FRMD4A: variants seen among roughly 807,000 people sequenced by gnomAD.
FRMD4A encodes FERM domain-containing protein 4A.
Under a neutral mutation model 129.1 loss-of-function variants are expected in FRMD4A, and 29 were observed. The ratio of observed to expected loss-of-function variants is 0.22; its 90% CI spans 0.17 to 0.31. The LOEUF (loss-of-function observed/expected upper bound fraction) is 0.31. Ranked by LOEUF, FRMD4A falls within the 10% of genes least tolerant of loss-of-function variation. The probability of loss-of-function intolerance (pLI) is 1.00; values close to 1 mark genes in which losing one functional copy is unlikely to be tolerated. For missense variants in FRMD4A, 1,272 were observed against 1,375.8 expected, an observed-to-expected ratio of 0.92 and a Z score of 1.19; for synonymous variants, 634 against 571.6, an observed-to-expected ratio of 1.11 and a Z score of -1.56.
In FRMD4A at chr10:14,010,621, T is replaced by C. The variant is rs538330272; in HGVS notation, c.46-151709A>G. Among the ~76,000 whole-genome samples, 25 of 148,864 alleles carry C rather than the reference T, an allele frequency of 1.7e-4. No individual in the cohort carries two copies. The South Asian group carries it at 4.0e-3, about 24-fold the overall frequency. On this transcript the variant is annotated intron_variant, in intron 2 of 24. Transcript: ENST00000357447. ...ATCTTTCTGATTGTCTTGCCATGGGTGTCGGAGACTTACATATTCAAAATT... is the reference window on the plus strand; with the variant it reads ...ATCTTTCTGATTGTCTTGCCATGGGCGTCGGAGACTTACATATTCAAAATT...
intron 2 of FRMD4A, among the ~76,000 whole-genome samples, chr10:13,942,676 T>C (rs2095301674): frequency 1.3e-5 from 2 of 152,152 alleles, no homozygotes; most frequent in African/African-American, 4.8e-5. Context: ...GGCTCGCACC[T>C]GTAATCCCAG....
intron 12 of FRMD4A, among the ~76,000 whole-genome samples, chr10:13,728,866 C>T (rs1476136631): frequency 6.6e-6 from 1 of 152,048 alleles, no homozygotes; most frequent in Non-Finnish European, 1.5e-5. Context: ...GCCACCGTGC[C>T]CAGCCGATGA....
At chr10:14,065,072 T>A (rs1250765644) in intron 2 of FRMD4A, among the ~76,000 whole-genome samples, 1 of 152,190 alleles carries the variant, frequency 6.6e-6, no homozygotes, top group Non-Finnish European at 1.5e-5. Flanking sequence ...CAAATCCATG[T>A]TGTGGGCTCG....
chr10:14,212,561 A>G (rs752088243), intron 2 of FRMD4A, among the ~76,000 whole-genome samples: 6 of 152,208 alleles, frequency 3.9e-5, no homozygotes, highest in Non-Finnish European at 7.3e-5. Flanking sequence ...GCTGGATACC[A>G]TGAAAAAAAC....
chr10:14,043,454 T>C (rs1409679093), intron 2 of FRMD4A, among the ~76,000 whole-genome samples: 1 of 152,204 alleles, frequency 6.6e-6, no homozygotes, highest in Non-Finnish European at 1.5e-5. Context: ...TGCCCACTGA[T>C]TTCTTGAATT....
intron 2 of FRMD4A, among the ~76,000 whole-genome samples, chr10:13,897,124 C>T (rs1288761495): frequency 6.6e-6 from 1 of 152,194 alleles, no homozygotes; most frequent in Non-Finnish European, 1.5e-5. Context: ...GCTTCGCTGA[C>T]CAGCCCTAAC....
At chr10:14,186,554 T>C (rs1842152142) in intron 2 of FRMD4A, among the ~76,000 whole-genome samples, 1 of 152,198 alleles carries the variant, frequency 6.6e-6, no homozygotes, top group Non-Finnish European at 1.5e-5. Context: ...GTCATAGTCT[T>C]GGCACACTGG....
chr10:13,808,794 G>A (rs1482830789), intron 4 of FRMD4A, among the ~76,000 whole-genome samples: 1 of 152,194 alleles, frequency 6.6e-6, no homozygotes, highest in African/African-American at 2.4e-5. Context: ...CACTCCTTCT[G>A]TGGCTGGAGA....
At chr10:13,983,285 TA>T (rs1330480773) in intron 2 of FRMD4A, among the ~76,000 whole-genome samples, 7 of 152,108 alleles carry the variant, frequency 4.6e-5, no homozygotes, top group African/African-American at 1.7e-4. Flanking sequence ...TCATTTGCAA[TA>T]AAGCAAAGTT....
chr10:13,867,242 CAT>C (rs2094379076), intron 2 of FRMD4A, among the ~76,000 whole-genome samples: 1 of 151,954 alleles, frequency 6.6e-6, no homozygotes, highest in Non-Finnish European at 1.5e-5. Context: ...TATACACAAT[CAT>C]ATTTTTTGTT....
chr10:13,920,327 G>C (rs1049515568), intron 2 of FRMD4A, among the ~76,000 whole-genome samples: 8 of 152,140 alleles, frequency 5.3e-5, no homozygotes, highest in Admixed American at 6.5e-5. Flanking sequence ...GTCTCCTTAG[G>C]ACAATCTTGT....
intron 2 of FRMD4A, among the ~76,000 whole-genome samples, chr10:14,284,647 C>T (rs1179533383): frequency 6.6e-6 from 1 of 152,082 alleles, no homozygotes; most frequent in East Asian, 1.9e-4. Context: ...AGGGAAACTC[C>T]GTCTCAAACA....
chr10:13,946,792 C>G (rs538276123), intron 2 of FRMD4A, among the ~76,000 whole-genome samples: 11 of 146,828 alleles, frequency 7.5e-5, no homozygotes, highest in African/African-American at 2.7e-4. Flanking sequence ...GTCTGTGTGT[C>G]TGTCTGTCTG....
chr10:14,256,547 C>T (rs1844619699), intron 2 of FRMD4A, among the ~76,000 whole-genome samples: 1 of 152,094 alleles, frequency 6.6e-6, no homozygotes, highest in Admixed American at 6.5e-5. Flanking sequence ...TGTAGTGTTG[C>T]TACAAATCTC....
chr10:14,170,921 T>G (rs544363232), intron 2 of FRMD4A, among the ~76,000 whole-genome samples: 40 of 152,164 alleles, frequency 2.6e-4, no homozygotes, highest in African/African-American at 8.4e-4. Flanking sequence ...TCATGAAAAG[T>G]AAAGACTTGG....
intron 2 of FRMD4A, among the ~76,000 whole-genome samples, chr10:14,246,914 G>T (rs1184585312): frequency 6.6e-6 from 1 of 152,120 alleles, no homozygotes; most frequent in Non-Finnish European, 1.5e-5. Flanking sequence ...CAAGGAAGGG[G>T]TAATCACCCG....
At chr10:13,684,327 T>C (rs2084885570) in intron 15 of FRMD4A, 27 of 985,178 alleles carry the variant, frequency 2.7e-5, no homozygotes, top group Non-Finnish European at 3.3e-5. Flanking sequence ...TCACGCCAAG[T>C]CAGAAAGTCA....
At chr10:14,002,666 A>G (rs1280642073) in intron 2 of FRMD4A, among the ~76,000 whole-genome samples, 1 of 152,186 alleles carries the variant, frequency 6.6e-6, no homozygotes, top group African/African-American at 2.4e-5. Flanking sequence ...TGACTGAAGC[A>G]AACCAGTGGT....
intron 4 of FRMD4A, among the ~76,000 whole-genome samples, chr10:13,809,530 C>T (rs2093411275): frequency 6.6e-6 from 1 of 152,090 alleles, no homozygotes; most frequent in Non-Finnish European, 1.5e-5. Flanking sequence ...AAAAAAATTG[C>T]AGTGCTGGGT....
Sources: gnomAD v4.1 joint callset for allele counts (sites outside exome capture counted in the v4.1 genomes callset) on GRCh38, gnomAD v4.1.1 for gene constraint, MANE v1.5 for transcripts, NCBI Gene and HGNC (gene_info 2026-07-23, HGNC 2026-07-21) for gene names.